The following ITPR2 variants were observed in gnomAD, a reference collection of about 807,000 sequenced individuals.
ITPR2 encodes the protein inositol 1,4,5-trisphosphate-gated calcium channel ITPR2.
Under a neutral mutation model 317.1 loss-of-function variants are expected in ITPR2, and 207 were observed. The ratio of observed to expected loss-of-function variants is 0.65; its 90% CI spans 0.58 to 0.73. The LOEUF (loss-of-function observed/expected upper bound fraction) is 0.73. Among genes scored for constraint, ITPR2 ranks in the 30% least tolerant of loss-of-function variants. ITPR2 has a pLI of 0.00. For synonymous variants in ITPR2, 1,156 were observed against 1,149.1 expected, an observed-to-expected ratio of 1.01 and a Z score of -0.12; for missense variants, 2,613 against 3,284.0, an observed-to-expected ratio of 0.80 and a Z score of 4.99.
At chr12:26,814,915 A>C (rs1207031342) in intron 1 of ITPR2, among the ~76,000 whole-genome samples, 1 of 152,194 alleles carries the variant, frequency 6.6e-6, no homozygotes, top group African/African-American at 2.4e-5. Context: ...TTGATTAGTT[A>C]CTATTTAAAA....
intron 13 of ITPR2, among the ~76,000 whole-genome samples, chr12:26,674,615 C>T (rs543762026): frequency 1.3e-5 from 2 of 152,176 alleles, no homozygotes; most frequent in Non-Finnish European, 2.9e-5. Context: ...CTAGGCATTA[C>T]CATTCAGGAC....
In ITPR2 at chr12:26,516,145, G is replaced by A. The variant is rs1023956523; in HGVS notation, c.5074-20885C>T. ...TCTCAAAAGAAAAAAGAAAAGAAAA[G>A]ACGAAGAAAAGAGAAGGGGAGAGGA... On this transcript the variant is annotated intron_variant, in intron 37 of 56. Transcript: ENST00000381340. Among the ~76,000 whole-genome samples, 3 of 121,610 alleles carry A rather than the reference G, an allele frequency of 2.5e-5. No individual in the cohort carries two copies. In the Admixed American group the frequency reaches 2.9e-4, roughly 12 times the overall value. 79.8% of individuals were successfully genotyped at this position (121,610 alleles called of 152,430 possible).
intron 55 of ITPR2, among the ~76,000 whole-genome samples, chr12:26,344,147 C>G (rs1199852862): frequency 2.0e-5 from 3 of 152,126 alleles, no homozygotes; most frequent in African/African-American, 7.2e-5. Flanking sequence ...ACCTTGAAAA[C>G]AGACTTCTCA....
intron 22 of ITPR2, 85 bp from the exon 23 acceptor site, chr12:26,628,247 G>A (rs1304240601): frequency 5.0e-6 from 5 of 998,392 alleles, no homozygotes; most frequent in Non-Finnish European, 7.1e-6. Flanking sequence ...AATAACAGTG[G>A]AAGTACCAAC....
At chr12:26,611,848 T>C (rs889686532) in intron 26 of ITPR2, among the ~76,000 whole-genome samples, 9 of 152,224 alleles carry the variant, frequency 5.9e-5, no homozygotes, top group African/African-American at 2.2e-4. Flanking sequence ...TAGAAGGCAA[T>C]GCATATTTGA....
intron 24 of ITPR2, among the ~76,000 whole-genome samples, chr12:26,622,721 A>G (rs577714724): frequency 1.5e-4 from 23 of 152,266 alleles, no homozygotes; most frequent in African/African-American, 5.5e-4. Flanking sequence ...ATCCAAAAGC[A>G]TTTATGGGAG....
At chr12:26,542,693 A>G (rs1270102445) in intron 37 of ITPR2, among the ~76,000 whole-genome samples, 3 of 152,260 alleles carry the variant, frequency 2.0e-5, no homozygotes, top group African/African-American at 7.2e-5. Context: ...TTTTGCAACA[A>G]TATTCCAAGG....
intron 55 of ITPR2, among the ~76,000 whole-genome samples, chr12:26,385,432 C>T (rs771623270): frequency 1.3e-5 from 2 of 152,282 alleles, no homozygotes; most frequent in African/African-American, 2.4e-5. Context: ...ATCCTCACCC[C>T]TAATCTCATC....
intron 37 of ITPR2, among the ~76,000 whole-genome samples, chr12:26,506,647 T>C (rs1429323384): frequency 6.6e-6 from 1 of 151,710 alleles, no homozygotes; most frequent in African/African-American, 2.4e-5. Context: ...ACAATTTCAA[T>C]ATTTAGCCTG....
In ITPR2 at chr12:26,507,895, A is replaced by G. The variant is rs375255397; in HGVS notation, c.5074-12635T>C. Among the ~76,000 whole-genome samples the G allele has an allele frequency of 6.1e-3, 721 of 117,270 alleles. 12 individuals carry two copies. Among genetic ancestry groups the G allele is most frequent in the Admixed American group, 0.033 (408 of 12,498 alleles). The allele number at this position is 117,270 out of a possible 152,430, so 76.9% of individuals were successfully genotyped here. A position where few individuals can be genotyped will look rare whatever the true frequency, so the allele number is the denominator to read the frequency against. ...TGTGTGTGTGTGTGTGTGTGTGTGTATGTCAGTGTGTATGTGTGTAATATA... is the reference window on the plus strand; with the variant it reads ...TGTGTGTGTGTGTGTGTGTGTGTGTGTGTCAGTGTGTATGTGTGTAATATA... On this transcript the variant is annotated intron_variant, in intron 37 of 56. Transcript: ENST00000381340.
chr12:26,752,594 T>A (rs1157344961), intron 2 of ITPR2, among the ~76,000 whole-genome samples: 1 of 152,220 alleles, frequency 6.6e-6, no homozygotes, highest in African/African-American at 2.4e-5. Context: ...TTGTTTAGCA[T>A]ATGATCAAGA....
At chr12:26,630,605 T>G (rs890345395) in intron 22 of ITPR2, 3 of 152,158 alleles carry the variant, frequency 2.0e-5, no homozygotes, top group African/African-American at 4.8e-5. Flanking sequence ...ATACGCACGG[T>G]GGAGCCGGCC....
chr12:26,442,960 T>C (rs997683269), intron 46 of ITPR2, among the ~76,000 whole-genome samples: 2 of 152,136 alleles, frequency 1.3e-5, no homozygotes, highest in African/African-American at 2.4e-5. Flanking sequence ...GACAGCCAGA[T>C]GGGTCTCAGA....
chr12:26,687,701 G>A (rs1948155867), intron 10 of ITPR2, among the ~76,000 whole-genome samples: 2 of 152,202 alleles, frequency 1.3e-5, no homozygotes, highest in South Asian at 4.2e-4. Flanking sequence ...ACAAATGGTA[G>A]CACCGTTGAA....
In ITPR2 at chr12:26,339,117, G is replaced by A. The variant is rs922083938; in HGVS notation, c.*280C>T. ...GCCCCGTGTCTCCTTCCATCCTGCC[G>A]CTCCCTGCCCTCTCCAGCCTTTTGG... On this transcript the variant is annotated 3_prime_UTR_variant, in exon 57 of 57. Coordinates refer to ENST00000381340, the MANE Select transcript of ITPR2 (RefSeq NM_002223.4). 6.9e-5 allele frequency: 22 copies of A among 320,104 alleles called. No individual in the cohort carries two copies. The highest frequency in any genetic ancestry group is 1.0e-4 in the Non-Finnish European group (18 of 173,036). 19.8% of individuals were successfully genotyped at this position (320,104 alleles called of 1,614,324 possible).
intron 26 of ITPR2, 88 bp from the exon 27 acceptor site, chr12:26,602,794 G>C (rs375491658): frequency 1.8e-6 from 1 of 565,258 alleles, no homozygotes; most frequent in African/African-American, 2.0e-5. Flanking sequence ...AATATATTTT[G>C]TAATTATTTT....
At chr12:26,417,365 T>C (rs990334981) in intron 50 of ITPR2, among the ~76,000 whole-genome samples, 1 of 152,166 alleles carries the variant, frequency 6.6e-6, no homozygotes, top group Admixed American at 6.6e-5. Flanking sequence ...ATGTTTTTCA[T>C]ATTATCTGAT....
At chr12:26,427,820 C>A (rs1021154672) in intron 49 of ITPR2, 93 bp downstream of exon 49, 2 of 708,550 alleles carry the variant, frequency 2.8e-6, no homozygotes, top group Non-Finnish European at 4.0e-6. Context: ...ATTCACCATG[C>A]ATACATGAAT....
chr12:26,732,131 T>C (rs1443960848), intron 2 of ITPR2, among the ~76,000 whole-genome samples: 2 of 152,126 alleles, frequency 1.3e-5, no homozygotes, highest in African/African-American at 4.8e-5. Flanking sequence ...TTAGCAAACA[T>C]GAAAATTAAT....
Sources: gnomAD v4.1 joint callset for allele counts (sites outside exome capture counted in the v4.1 genomes callset) on GRCh38, gnomAD v4.1.1 for gene constraint, MANE v1.5 for transcripts, NCBI Gene and HGNC (gene_info 2026-07-23, HGNC 2026-07-21) for gene names.